Variants in MACF1 observed in about 807,000 individuals in gnomAD.
The protein encoded by MACF1 is microtubule actin crosslinking factor 1, also known as microtubule-actin cross-linking factor 1.
MACF1 carries 193 observed loss-of-function variants against 854.8 expected under a neutral mutation model. The ratio of observed to expected loss-of-function variants is 0.23; its 90% CI spans 0.20 to 0.25. The LOEUF (loss-of-function observed/expected upper bound fraction) is 0.25, where lower values mean the gene tolerates loss of function less well. Ranked by LOEUF, MACF1 falls within the 10% of genes least tolerant of loss-of-function variation. The pLI is 1.00. For synonymous variants in MACF1, 3,185 were observed against 3,226.7 expected, an observed-to-expected ratio of 0.99 and a Z score of 0.44; for missense variants, 7,722 against 8,929.1, an observed-to-expected ratio of 0.86 and a Z score of 5.45.
chr1:39,268,028 A>G (rs1444708468), intron 6 of MACF1, among the ~76,000 whole-genome samples: 1 of 152,188 alleles, frequency 6.6e-6, no homozygotes, highest in African/African-American at 2.4e-5. Flanking sequence ...GAATATGTAT[A>G]TCTGCTTGAT....
chr1:39,316,950 A>G (rs1646422152), intron 28 of MACF1, among the ~76,000 whole-genome samples: 1 of 152,230 alleles, frequency 6.6e-6, no homozygotes, highest in African/African-American at 2.4e-5. Context: ...TTGGTTTCAT[A>G]TGTTATAAGT....
chr1:39,136,097 G>T (rs1643160303), intron 2 of MACF1, among the ~76,000 whole-genome samples: 1 of 152,088 alleles, frequency 6.6e-6, no homozygotes, highest in Admixed American at 6.6e-5. Flanking sequence ...ATTGACACTT[G>T]ACACAGTAAG....
In MACF1 at chr1:39,428,167, G is replaced by C. The variant is rs1434456008; in HGVS notation, c.16683G>C (p.Leu5561=). ...ACCAAGCTCTGTCTAATGCTAGGCT[G>C]TTTGGGGAGGATGAGGTGGAGGTGC... ...LLDQALSNAR[L]FGEDEVEVLN... is the part of the protein sequence containing the mutation. The change falls in exon 63 of 101, where the codon CTG becomes CTC. Residue 5561 remains leucine (L), a synonymous_variant. Transcript: ENST00000564288. 1 of 1,614,118 alleles carries C rather than the reference G, an allele frequency of 6.2e-7. No individual in the cohort carries two copies. Among genetic ancestry groups the C allele is most frequent in the Admixed American group, 1.7e-5 (1 of 60,006 alleles).
chr1:39,270,078 T>TG (rs1275300680), intron 6 of MACF1, among the ~76,000 whole-genome samples: 9 of 152,280 alleles, frequency 5.9e-5, no homozygotes, highest in East Asian at 1.9e-4. Flanking sequence ...CAAGAGACGA[T>TG]GGGGAAGGGC....
intron 2 of MACF1, among the ~76,000 whole-genome samples, chr1:39,194,344 TTC>T (rs1463009098): frequency 2.5e-4 from 15 of 59,878 alleles, no homozygotes; most frequent in East Asian, 1.7e-3. Context: ...TTCTTTTCTT[TTC>T]TTTTCTTTTT....
chr1:39,458,954 G>T (rs1239157922), intron 90 of MACF1, 132 bp from the exon 91 acceptor site: 1 of 795,200 alleles, frequency 1.3e-6, no homozygotes, highest in Middle Eastern at 2.4e-4. Flanking sequence ...TCTAAATATT[G>T]CCAAGTCCCG....
chr1:39,358,582 C>A, intron 45 of MACF1, 115 bp from the exon 46 acceptor site: 1 of 934,006 alleles, frequency 1.1e-6, no homozygotes, highest in Non-Finnish European at 1.7e-6. Context: ...TGGCAATACC[C>A]TTATCTGAAG....
rs77134358 is a variant in MACF1, at chr1:39,153,849, A to C, written c.220+69411A>C. On this transcript the variant is annotated intron_variant, in intron 2 of 93. Coordinates refer to the MACF1 transcript ENST00000361689. Reference sequence around the variant, plus strand: ...GACCAGAAGGACAAGGTGTAATTCAACGCTTCTCTCCACCAGACACTGCTG... The same window carrying C: ...GACCAGAAGGACAAGGTGTAATTCACCGCTTCTCTCCACCAGACACTGCTG... Among the ~76,000 whole-genome samples the C allele has an allele frequency of 5.5e-4, 83 of 152,288 alleles. No individual in the cohort carries two copies. The East Asian group carries it at 0.015, about 28-fold the overall frequency.
At chr1:39,368,782 A>T (rs1039395577) in intron 50 of MACF1, among the ~76,000 whole-genome samples, 1 of 151,032 alleles carries the variant, frequency 6.6e-6, no homozygotes, top group Admixed American at 6.6e-5. Context: ...GATTACAGGC[A>T]TGAGCCACTG....
rs372636136 is a variant in MACF1 at position 39,335,132 on chromosome 1, G to A, written c.8544G>A (p.Gly2848=). Residue 2848 remains glycine (G), a synonymous_variant, in exon 37 of 101, where the codon GGG becomes GGA. Transcript: ENST00000564288. The stretch of plus-strand genomic sequence containing the variant: ...GGGAAATTTCCTTAAAGGAATTTGG[G>A]TGCAAGGATCAACGTAAGCCAAGAA... ...KSREISLKEF[G]CKDQRKPRMS... 1 of 1,613,988 alleles carries A rather than the reference G, an allele frequency of 6.2e-7. No individual in the cohort carries two copies. The highest frequency in any genetic ancestry group is 1.3e-5 in the African/African-American group (1 of 74,916).
chr1:39,315,934 C>G (rs1646403832), intron 27 of MACF1, among the ~76,000 whole-genome samples: 1 of 152,138 alleles, frequency 6.6e-6, no homozygotes, highest in South Asian at 2.1e-4. Context: ...TGATTTACCT[C>G]ACTTCTGTTT....
intron 97 of MACF1, among the ~76,000 whole-genome samples, chr1:39,477,075 A>ACACACACATATATACACTGAGTG (rs1331285017): frequency 1.9e-5 from 1 of 51,308 alleles, no homozygotes; most frequent in Admixed American, 2.4e-4. Flanking sequence ...ATATATATAT[A>ACACACACATATATACACTGAGTG]TATATATATA....
intron 58 of MACF1, among the ~76,000 whole-genome samples, chr1:39,399,434 G>A (rs1373340774): frequency 6.9e-6 from 1 of 144,658 alleles, no homozygotes; most frequent in Non-Finnish European, 1.5e-5. Context: ...GAGTGCAGTG[G>A]TGCGATCTCG....
intron 100 of MACF1, chr1:39,484,984 T>C: frequency 3.7e-6 from 2 of 543,300 alleles, no homozygotes; most frequent in East Asian, 3.2e-5. Flanking sequence ...ATGATCACAT[T>C]TGAGAGAATG....
At chr1:39,450,982 G>A (rs1644332318) in intron 84 of MACF1, 70 bp from the exon 85 acceptor site, 2 of 1,529,576 alleles carry the variant, frequency 1.3e-6, no homozygotes, top group Non-Finnish European at 1.8e-6. Flanking sequence ...TTCCCTTTCA[G>A]CGAGGCAGAA....
chr1:39,268,626 C>T, intron 6 of MACF1: 1 of 1,206,512 alleles, frequency 8.3e-7, no homozygotes, highest in Non-Finnish European at 1.1e-6. Flanking sequence ...CCGATGAGGC[C>T]AAGGTTGGGA....
Position 39,309,648 on chromosome 1 carries a change from C to A in MACF1, c.2868C>A (p.Asn956Lys). 1.2e-6 allele frequency: 2 copies of A among 1,614,124 alleles called. No homozygotes were observed. Among genetic ancestry groups the A allele is most frequent in the Non-Finnish European group, 1.7e-6 (2 of 1,179,970 alleles). The stretch of plus-strand genomic sequence containing the variant: ...ACACCAAAAGCCTTATCTCTTGGAA[C>A]TATCTGCGTAAAGACCTTGACCTTG... ...HVNTKSLISW[N>K]YLRKDLDLVQ... The change falls in exon 24 of 101, where the codon AAC becomes AAA. Residue 956 changes from asparagine to lysine, a missense_variant. Around this residue, in one of 15 missense-constraint regions of MACF1, gnomAD observed 1,137 missense variants for 1,263.0 expected, o/e 0.90. Transcript: ENST00000564288.
intron 2 of MACF1, among the ~76,000 whole-genome samples, chr1:39,247,199 T>A (rs1419645564): frequency 6.7e-6 from 1 of 149,194 alleles, no homozygotes; most frequent in Non-Finnish European, 1.5e-5. Context: ...CAGCCTCCCG[T>A]GTAGCTGGGA....
chr1:39,265,875 CTTTATGGACA>C (rs1365248859), intron 6 of MACF1, among the ~76,000 whole-genome samples: 4 of 152,182 alleles, frequency 2.6e-5, no homozygotes, highest in Admixed American at 1.3e-4. Flanking sequence ...GAGCCAAGTA[CTTTATGGACA>C]TTATCTCATT....
Sources: allele counts gnomAD v4.1 joint callset (sites outside exome capture counted in the v4.1 genomes callset), GRCh38; gene constraint gnomAD v4.1.1; regional missense constraint gnomAD v4.1.1; transcripts MANE v1.5; gene names NCBI Gene and HGNC (gene_info 2026-07-23, HGNC 2026-07-21).